The following STAC variants were observed in gnomAD, a reference collection of about 807,000 sequenced individuals.
STAC encodes the protein SH3 and cysteine-rich domain-containing protein.
Under a neutral mutation model 48.8 loss-of-function variants are expected in STAC, and 43 were observed. That is an observed-to-expected ratio of 0.88 (90% CI 0.69 to 1.14). The LOEUF (loss-of-function observed/expected upper bound fraction) is 1.14. Ranked by LOEUF, STAC falls within the 50% of genes most tolerant of loss-of-function variation. The pLI, the probability that STAC is intolerant of heterozygous loss-of-function variation, is 0.00. For synonymous variants in STAC, 193 were observed against 179.5 expected (o/e 1.07, Z -0.60); for missense variants, 497 against 504.0 (o/e 0.99, Z 0.13).
Position 36,443,473 on chromosome 3 carries a change from A to G in STAC, c.221A>G (p.His74Arg). The change falls in exon 2 of 11, where the codon CAC becomes CGC. Residue 74 changes from histidine to arginine, a missense_variant. Transcript: ENST00000273183. This position sits in a 1 kb window ranked among gnomAD's most constrained non-coding sequence, Gnocchi z 4.2. ...TNSEDMKLQA[H>R]MVAEISPSSS... ...AGCGAAGACATGAAACTGCAAGCACACATGGTGGCTGAGATCAGCCCCAGC... is the reference window on the plus strand; with the variant it reads ...AGCGAAGACATGAAACTGCAAGCACGCATGGTGGCTGAGATCAGCCCCAGC... The G allele has an allele frequency of 6.2e-7, 1 of 1,614,256 alleles. No individual in the cohort carries two copies. Among genetic ancestry groups the G allele is most frequent in the African/African-American group, 1.3e-5 (1 of 75,074 alleles).
At chr3:36,488,661 G>A (rs1246444779) in intron 5 of STAC, among the ~76,000 whole-genome samples, 1 of 152,064 alleles carries the variant, frequency 6.6e-6, no homozygotes, top group Non-Finnish European at 1.5e-5. Context: ...CATATTCCAC[G>A]AGTGATTAGG....
chr3:36,384,536 A>G (rs1699576533), intron 1 of STAC, among the ~76,000 whole-genome samples: 3 of 152,196 alleles, frequency 2.0e-5, no homozygotes, highest in South Asian at 4.1e-4. Context: ...GATGACTGCT[A>G]CCACCAGCCA....
intron 5 of STAC, among the ~76,000 whole-genome samples, chr3:36,491,616 A>G (rs948006719): frequency 6.6e-6 from 1 of 152,148 alleles, no homozygotes; most frequent in African/African-American, 2.4e-5. Context: ...TGTAACAAAA[A>G]TCAGTCTCTG....
intron 2 of STAC, among the ~76,000 whole-genome samples, chr3:36,461,864 C>G (rs1697026523): frequency 6.6e-6 from 1 of 152,136 alleles, no homozygotes; most frequent in South Asian, 2.1e-4. Context: ...GCAGAGAGAT[C>G]TTGTGCAACT....
At chr3:36,417,110 T>C (rs1409822756) in intron 1 of STAC, among the ~76,000 whole-genome samples, 2 of 152,108 alleles carry the variant, frequency 1.3e-5, no homozygotes, top group Non-Finnish European at 2.9e-5. Context: ...CAGCCTCCAG[T>C]GTGCCCCAAA....
intron 3 of STAC, among the ~76,000 whole-genome samples, chr3:36,483,660 G>C (rs974976220): frequency 9.2e-5 from 14 of 152,220 alleles, no homozygotes; most frequent in Non-Finnish European, 2.1e-4. Flanking sequence ...TATTGATTAA[G>C]AGGCAATTCA....
intron 10 of STAC, among the ~76,000 whole-genome samples, chr3:36,545,187 C>T (rs1191631212): frequency 3.9e-5 from 6 of 152,208 alleles, no homozygotes; most frequent in Non-Finnish European, 7.4e-5. Flanking sequence ...AGGTTATGCC[C>T]ATCACACTAC....
rs774042613 is a variant in STAC at position 36,483,028 on chromosome 3, G to A, written c.425G>A (p.Cys142Tyr). 1 of 1,614,224 alleles carries A rather than the reference G, an allele frequency of 6.2e-7. No homozygotes were observed. The highest frequency in any genetic ancestry group is 1.1e-5 in the South Asian group (1 of 91,082). ...NAKHGLRCKA[C>Y]KMSIHHKCTD... ...AAGCATGGACTGCGCTGCAAAGCCT[G>A]TAAGATGAGCATCCACCACAAGTGC... Residue 142 changes from cysteine (C) to tyrosine (Y), a missense_variant, in exon 3 of 11, where the codon TGT (cysteine) becomes TAT (tyrosine). Transcript: ENST00000273183.
At chr3:36,461,148 CT>C (rs1225473570) in intron 2 of STAC, among the ~76,000 whole-genome samples, 5 of 152,074 alleles carry the variant, frequency 3.3e-5, no homozygotes, top group Non-Finnish European at 7.4e-5. Flanking sequence ...TTTGCATGTA[CT>C]TTTCAATATT....
At chr3:36,437,687 T>C (rs1332686856) in intron 1 of STAC, among the ~76,000 whole-genome samples, 1 of 147,202 alleles carries the variant, frequency 6.8e-6, no homozygotes, top group Non-Finnish European at 1.5e-5. Context: ...AAATGACGAG[T>C]TAATGGGTTC....
chr3:36,422,654 G>A (rs1017263825), intron 1 of STAC, among the ~76,000 whole-genome samples: 1 of 152,006 alleles, frequency 6.6e-6, no homozygotes, highest in Non-Finnish European at 1.5e-5. Context: ...TCTGCCAACA[G>A]AGGCCACATA....
intron 2 of STAC, among the ~76,000 whole-genome samples, chr3:36,471,274 C>A (rs1047442543): frequency 6.6e-6 from 1 of 152,152 alleles, no homozygotes; most frequent in Non-Finnish European, 1.5e-5. Flanking sequence ...AAGAGAAAGA[C>A]CAGCCCCCAT....
chr3:36,416,999 C>CT lies in STAC; in HGVS notation c.112-26357dup, dbSNP rs778954711. Among the ~76,000 whole-genome samples the CT allele has an allele frequency of 8.8e-4, 134 of 152,084 alleles. 1 individual carries two copies. Among genetic ancestry groups the CT allele is most frequent in the Non-Finnish European group, 1.7e-3 (118 of 67,968 alleles). On this transcript the variant is annotated intron_variant, in intron 1 of 10. Coordinates refer to ENST00000273183, the MANE Select transcript of STAC (RefSeq NM_003149.3). Reference sequence around the variant, plus strand: ...CTTCCCTGCATTTTCACATTAGGCACTTTTTTTTGGCCAGGGAGAACTTTG... The same window carrying CT: ...CTTCCCTGCATTTTCACATTAGGCACTTTTTTTTTGGCCAGGGAGAACTTTG...
At chr3:36,400,829 G>A (rs73056091) in intron 1 of STAC, among the ~76,000 whole-genome samples, 3,916 of 152,258 alleles carry the variant, frequency 0.026, 70 homozygotes, top group East Asian at 0.026. Flanking sequence ...CCATAATTAC[G>A]TGCAAGTGTT....
At chr3:36,418,256 A>G (rs1009604328) in intron 1 of STAC, among the ~76,000 whole-genome samples, 1 of 152,080 alleles carries the variant, frequency 6.6e-6, no homozygotes, top group Non-Finnish European at 1.5e-5. Flanking sequence ...TGAACTCTTT[A>G]ATGGCTTTGA....
chr3:36,512,112 T>A (rs1428377595), intron 8 of STAC, among the ~76,000 whole-genome samples: 1 of 152,172 alleles, frequency 6.6e-6, no homozygotes, highest in Admixed American at 6.6e-5. Flanking sequence ...CTTAGATTTG[T>A]AGAGACAATT....
chr3:36,398,368 A>AAAGAAAGGAAAAGAAAGAGAG (rs1553631494), intron 1 of STAC, among the ~76,000 whole-genome samples: 3 of 102,880 alleles, frequency 2.9e-5, no homozygotes, highest in African/African-American at 1.1e-4. Context: ...AGAAAGAAAG[A>AAAGAAAGGAAAAGAAAGAGAG]AAAGAAAGAG....
chr3:36,521,704 T>A (rs1292418602), intron 8 of STAC, among the ~76,000 whole-genome samples: 1 of 152,178 alleles, frequency 6.6e-6, no homozygotes, highest in Non-Finnish European at 1.5e-5. Flanking sequence ...AAGGCAATGA[T>A]TAGAATAAAT....
chr3:36,492,912 C>T (rs986529747), intron 5 of STAC, among the ~76,000 whole-genome samples: 20 of 152,144 alleles, frequency 1.3e-4, no homozygotes, highest in Admixed American at 1.2e-3. Flanking sequence ...CATGAATATT[C>T]AATACTCACT....
Sources: gnomAD v4.1 joint callset for allele counts (sites outside exome capture counted in the v4.1 genomes callset) on GRCh38, gnomAD v4.1.1 for gene constraint, Gnocchi (gnomAD v3.1) non-coding constraint, MANE v1.5 for transcripts, NCBI Gene and HGNC (gene_info 2026-07-23, HGNC 2026-07-21) for gene names.